DKK2: variants seen among roughly 807,000 people sequenced by gnomAD.
DKK2 encodes the protein dickkopf Wnt signaling pathway inhibitor 2.
Under a neutral mutation model 28.1 loss-of-function variants are expected in DKK2, and 11 were observed. That is an observed-to-expected ratio of 0.39 (90% confidence interval 0.25 to 0.65). The LOEUF is 0.65. DKK2 is among the 30% of genes least tolerant of loss of function. DKK2 has a pLI of 0.47. For missense variants in DKK2, 326 were observed against 335.5 expected (o/e 0.97, Z 0.22); for synonymous variants, 135 against 126.5 (o/e 1.07, Z -0.45).
chr4:106,928,428 A>G (rs1412563211), intron 1 of DKK2, among the ~76,000 whole-genome samples: 1 of 152,174 alleles, frequency 6.6e-6, no homozygotes, highest in Non-Finnish European at 1.5e-5. Context: ...GAATTTCAGA[A>G]CATAAATACT....
chr4:106,953,316 C>T (rs1321231885), intron 1 of DKK2, among the ~76,000 whole-genome samples: 3 of 152,144 alleles, frequency 2.0e-5, no homozygotes, highest in East Asian at 1.9e-4. Flanking sequence ...TTGGATTTCA[C>T]CTTTCTCTAT....
chr4:107,025,335 AT>A (rs1303629232), intron 1 of DKK2, among the ~76,000 whole-genome samples: 3 of 152,178 alleles, frequency 2.0e-5, no homozygotes, highest in African/African-American at 7.2e-5. Context: ...CATTTAAAAA[AT>A]TTTTTTAAAG....
chr4:106,922,417 G>A lies in DKK2; in HGVS notation c.*1537C>T, dbSNP rs1724359266. ...TTAAGTTTAAAAAAAGTAGTAAAGTGGTTTCAAAGAATTTAGAAACTGTGG... is the reference window on the plus strand; with the variant it reads ...TTAAGTTTAAAAAAAGTAGTAAAGTAGTTTCAAAGAATTTAGAAACTGTGG... On this transcript the variant is annotated 3_prime_UTR_variant, in exon 4 of 4. Transcript: ENST00000285311. 3.9e-5 allele frequency: 6 copies of A among 152,138 alleles called. No individual in the cohort carries two copies. Among genetic ancestry groups the A allele is most frequent in the Admixed American group, 3.9e-4 (6 of 15,262 alleles). 9.4% of individuals were successfully genotyped at this position (152,138 alleles called of 1,614,324 possible). A position where few individuals can be genotyped will look rare whatever the true frequency, so the allele number is the denominator to read the frequency against.
At chr4:107,025,995 G>A (rs1035484192) in intron 1 of DKK2, among the ~76,000 whole-genome samples, 11 of 152,210 alleles carry the variant, frequency 7.2e-5, no homozygotes, top group African/African-American at 2.4e-4. Context: ...AAGTTCCAGT[G>A]AGAATTTCTT....
At chr4:107,026,849 G>C (rs1723787935) in intron 1 of DKK2, among the ~76,000 whole-genome samples, 1 of 152,146 alleles carries the variant, frequency 6.6e-6, no homozygotes, top group South Asian at 2.1e-4. Context: ...AGTTGAGCAA[G>C]AAATGGGGCT....
At chr4:106,938,050 T>C (rs1360686584) in intron 1 of DKK2, among the ~76,000 whole-genome samples, 4 of 138,722 alleles carry the variant, frequency 2.9e-5, no homozygotes, top group African/African-American at 1.1e-4. Context: ...AACATCACAA[T>C]TAAAAGAACT....
intron 1 of DKK2, among the ~76,000 whole-genome samples, chr4:106,999,035 A>G (rs1281054228): frequency 6.6e-6 from 1 of 152,196 alleles, no homozygotes; most frequent in Non-Finnish European, 1.5e-5. Flanking sequence ...CTTTAGAAAA[A>G]TAAAAGGGGG....
At chr4:107,019,580 G>C (rs1274950107) in intron 1 of DKK2, among the ~76,000 whole-genome samples, 2 of 152,024 alleles carry the variant, frequency 1.3e-5, no homozygotes, top group Non-Finnish European at 2.9e-5. Context: ...CATTAATGCT[G>C]TATGTAGGAT....
intron 1 of DKK2, among the ~76,000 whole-genome samples, chr4:106,953,562 C>T (rs372650893): frequency 6.6e-6 from 1 of 152,120 alleles, no homozygotes; most frequent in Non-Finnish European, 1.5e-5. Flanking sequence ...ACAGATCAGA[C>T]GTTTCACTCT....
chr4:106,975,798 C>G (rs1044792897), intron 1 of DKK2, among the ~76,000 whole-genome samples: 1 of 152,036 alleles, frequency 6.6e-6, no homozygotes, highest in African/African-American at 2.4e-5. Flanking sequence ...ACTTTGTTTG[C>G]TCTTGCTTCT....
intron 1 of DKK2, among the ~76,000 whole-genome samples, chr4:107,018,727 C>T (rs1723647294): frequency 6.6e-6 from 1 of 152,070 alleles, no homozygotes; most frequent in African/African-American, 2.4e-5. Flanking sequence ...ATATTTGACC[C>T]ATACCTTGTC....
chr4:106,967,689 G>A (rs1428642158), intron 1 of DKK2, among the ~76,000 whole-genome samples: 1 of 151,674 alleles, frequency 6.6e-6, no homozygotes, highest in East Asian at 1.9e-4. Flanking sequence ...ACTTAATATA[G>A]CTGATAAATA....
intron 1 of DKK2, among the ~76,000 whole-genome samples, chr4:107,003,179 C>T (rs938551519): frequency 2.0e-5 from 3 of 152,160 alleles, no homozygotes; most frequent in African/African-American, 4.8e-5. Flanking sequence ...GTGGCTTTGG[C>T]TCAGAGATCT....
chr4:107,026,084 C>G (rs1723774639), intron 1 of DKK2, among the ~76,000 whole-genome samples: 1 of 152,162 alleles, frequency 6.6e-6, no homozygotes, highest in African/African-American at 2.4e-5. Flanking sequence ...GTAAAATGAG[C>G]AAGTTAAATT....
intron 1 of DKK2, among the ~76,000 whole-genome samples, chr4:106,974,004 T>A (rs747376591): frequency 1.3e-4 from 20 of 152,194 alleles, no homozygotes; most frequent in Non-Finnish European, 2.6e-4. Flanking sequence ...CCTTTTCCCA[T>A]TGCTTGTTTT....
At chr4:106,928,564 C>A (rs1724455951) in intron 1 of DKK2, among the ~76,000 whole-genome samples, 2 of 152,154 alleles carry the variant, frequency 1.3e-5, no homozygotes, top group Admixed American at 1.3e-4. Context: ...TATATGAATA[C>A]AATCAAGAAG....
chr4:106,960,644 A>C (rs1318482730), intron 1 of DKK2, among the ~76,000 whole-genome samples: 1 of 152,184 alleles, frequency 6.6e-6, no homozygotes, highest in Non-Finnish European at 1.5e-5. Context: ...TTATGTCTCA[A>C]TAAATATATG....
At chr4:106,927,770 C>A (rs545169994) in intron 1 of DKK2, among the ~76,000 whole-genome samples, 1 of 152,290 alleles carries the variant, frequency 6.6e-6, no homozygotes, top group South Asian at 2.1e-4. Context: ...TAATGAAATA[C>A]AATTCACATG....
intron 1 of DKK2, among the ~76,000 whole-genome samples, chr4:106,941,028 C>T (rs1025942119): frequency 6.6e-6 from 1 of 151,836 alleles, no homozygotes; most frequent in Non-Finnish European, 1.5e-5. Context: ...TTAGTGGGGG[C>T]AGCGCACCAG....
Sources: allele counts gnomAD v4.1 joint callset (sites outside exome capture counted in the v4.1 genomes callset), GRCh38; gene constraint gnomAD v4.1.1; transcripts MANE v1.5; gene names NCBI Gene and HGNC (gene_info 2026-07-23, HGNC 2026-07-21).